GLRA2: variants seen among roughly 807,000 people sequenced by gnomAD.
GLRA2 encodes the protein glycine receptor subunit alpha-2.
A neutral mutation model predicts 31.6 loss-of-function variants in GLRA2; 11 were observed. The ratio of observed to expected loss-of-function variants is 0.35; its 90% CI spans 0.22 to 0.58. The LOEUF is 0.58. Among genes scored for constraint, GLRA2 ranks in the 20% least tolerant of loss-of-function variants. The pLI is 0.84. For missense variants in GLRA2, 212 were observed against 351.8 expected (o/e 0.60, Z 3.18); for synonymous variants, 132 against 134.0 (o/e 0.99, Z 0.10).
the GLRA2 span, among the ~76,000 whole-genome samples, chrX:14,469,396 G>A: frequency 2.3e-3 from 256 of 110,263 alleles, 1 homozygote; most frequent in African/African-American, 7.9e-3. Context: ...ACATGCACAC[G>A]TATGTTTATT....
chrX:14,501,235 ACT>A, the GLRA2 span, among the ~76,000 whole-genome samples: 136 of 111,204 alleles, frequency 1.2e-3, no homozygotes, highest in Middle Eastern at 0.014. Context: ...TAATTTCAAC[ACT>A]GTTTTTTATT....
intron 7 of GLRA2, among the ~76,000 whole-genome samples, chrX:14,681,028 T>C (rs2091195816): frequency 8.9e-6 from 1 of 112,317 alleles, no homozygotes; most frequent in Non-Finnish European, 1.9e-5. Context: ...AATGCTGTGA[T>C]TGGTAATGTT....
the GLRA2 span, among the ~76,000 whole-genome samples, chrX:14,455,314 C>A: frequency 9.0e-6 from 1 of 111,577 alleles, no homozygotes; most frequent in Non-Finnish European, 1.9e-5. Flanking sequence ...ACGTGTCAAG[C>A]CAAGATGGAA....
At chrX:14,719,081 G>A (rs2091830552) in intron 8 of GLRA2, among the ~76,000 whole-genome samples, 1 of 111,736 alleles carries the variant, frequency 8.9e-6, no homozygotes, top group African/African-American at 3.3e-5. Flanking sequence ...TGCAAAATAT[G>A]CTCACTCCCT....
the GLRA2 span, among the ~76,000 whole-genome samples, chrX:14,485,036 A>G: frequency 8.9e-6 from 1 of 112,258 alleles, no homozygotes; most frequent in Non-Finnish European, 1.9e-5. Context: ...TGGAAACCAC[A>G]TGGTTATAGA....
At chrX:14,456,375 G>A in the GLRA2 span, among the ~76,000 whole-genome samples, 88 of 110,814 alleles carry the variant, frequency 7.9e-4, no homozygotes, top group African/African-American at 2.7e-3. Flanking sequence ...ATCCAATGTC[G>A]TCCTTCTAGC....
chrX:14,552,063 T>G (rs1358814323), intron 2 of GLRA2, among the ~76,000 whole-genome samples: 1 of 112,343 alleles, frequency 8.9e-6, no homozygotes, highest in Non-Finnish European at 1.9e-5. Flanking sequence ...TGAGGGACAT[T>G]TATGATGTGC....
At chrX:14,498,396 A>C in the GLRA2 span, among the ~76,000 whole-genome samples, 28 of 111,507 alleles carry the variant, frequency 2.5e-4, no homozygotes, top group Non-Finnish European at 4.9e-4. Context: ...GAAGGACATA[A>C]AATGAGATCT....
intron 7 of GLRA2, among the ~76,000 whole-genome samples, chrX:14,675,477 T>C (rs2091135929): frequency 8.9e-6 from 1 of 112,046 alleles, no homozygotes. Flanking sequence ...CCATTTATAA[T>C]TGGGTGGTTC....
intron 7 of GLRA2, among the ~76,000 whole-genome samples, chrX:14,686,939 T>C (rs1194665980): frequency 8.9e-6 from 1 of 112,324 alleles, no homozygotes; most frequent in Non-Finnish European, 1.9e-5. Context: ...CAGTGGCTGG[T>C]ACTAGTTGTT....
chrX:14,524,599 T>C (rs1327721399), upstream of GLRA2, among the ~76,000 whole-genome samples: 5 of 111,838 alleles, frequency 4.5e-5, no homozygotes, highest in Non-Finnish European at 9.4e-5. Context: ...AGAATGTCTG[T>C]ACTTGAGGAG....
At chrX:14,480,863 T>TTGGC in the GLRA2 span, among the ~76,000 whole-genome samples, 5 of 111,709 alleles carry the variant, frequency 4.5e-5, no homozygotes, top group Non-Finnish European at 7.5e-5. Context: ...GGTTGGTTGG[T>TTGGC]TGGCTGGCTC....
intron 7 of GLRA2, among the ~76,000 whole-genome samples, chrX:14,612,582 C>T (rs1000811567): frequency 9.0e-6 from 1 of 111,115 alleles, no homozygotes; most frequent in African/African-American, 3.3e-5. Context: ...CCCAAATGTC[C>T]GTCAATGATA....
chrX:14,671,257 AATG>A (rs1299166997), intron 7 of GLRA2, among the ~76,000 whole-genome samples: 1 of 111,729 alleles, frequency 9.0e-6, no homozygotes, highest in Non-Finnish European at 1.9e-5. Context: ...TCTAAATGGC[AATG>A]ATGTGGCAGG....
the GLRA2 span, among the ~76,000 whole-genome samples, chrX:14,454,210 A>C: frequency 7.3e-5 from 8 of 109,660 alleles, no homozygotes; most frequent in Non-Finnish European, 1.3e-4. Flanking sequence ...ACACACACAC[A>C]CACACACACA....
chrX:14,509,422 T>C, the GLRA2 span, among the ~76,000 whole-genome samples: 1 of 112,778 alleles, frequency 8.9e-6, no homozygotes, highest in South Asian at 3.6e-4. Flanking sequence ...CACCTTTCAT[T>C]GATCAGCAAA....
intron 4 of GLRA2, among the ~76,000 whole-genome samples, chrX:14,589,639 C>A (rs1294479545): frequency 9.5e-6 from 1 of 105,580 alleles, no homozygotes; most frequent in Non-Finnish European, 1.9e-5. Flanking sequence ...CCACTGCACT[C>A]CAGCCTGGGC....
At chrX:14,696,236 G>A (rs2091445180) in intron 8 of GLRA2, among the ~76,000 whole-genome samples, 1 of 90,506 alleles carries the variant, frequency 1.1e-5, no homozygotes, top group African/African-American at 4.0e-5. Flanking sequence ...GGGAGGGAGG[G>A]AGGGACGGAA....
chrX:14,586,156 TA>T (rs2147071444), intron 4 of GLRA2, among the ~76,000 whole-genome samples: 1 of 110,966 alleles, frequency 9.0e-6, no homozygotes, highest in East Asian at 2.8e-4. Flanking sequence ...TTCCAAAAGG[TA>T]GGGGTCTAAA....
Sources: gnomAD v4.1 joint callset for allele counts (sites outside exome capture counted in the v4.1 genomes callset) on GRCh38, gnomAD v4.1.1 for gene constraint, MANE v1.5 for transcripts, NCBI Gene and HGNC (gene_info 2026-07-23, HGNC 2026-07-21) for gene names.